AGBL1: variants seen among roughly 807,000 people sequenced by gnomAD.
AGBL1 encodes the protein AGBL carboxypeptidase 1, also known as cytosolic carboxypeptidase 4.
Under a neutral mutation model 118.9 loss-of-function variants are expected in AGBL1, and 130 were observed. The ratio of observed to expected loss-of-function variants is 1.09; its 90% CI spans 0.95 to 1.26. The LOEUF (loss-of-function observed/expected upper bound fraction) is 1.26, where lower values mean the gene tolerates loss of function less well. AGBL1 is among the 50% of genes most tolerant of loss of function. AGBL1 has a pLI of 0.00. For missense variants in AGBL1, 1,584 were observed against 1,298.1 expected, an observed-to-expected ratio of 1.22 and a Z score of -3.38; for synonymous variants, 555 against 478.9, an observed-to-expected ratio of 1.16 and a Z score of -2.08.
At chr15:87,022,343 C>T (rs2081674057) in intron 24 of AGBL1, among the ~76,000 whole-genome samples, 2 of 152,000 alleles carry the variant, frequency 1.3e-5, no homozygotes, top group Admixed American at 1.3e-4. Context: ...AAAAAGAATT[C>T]AGGATGTTAG....
chr15:86,174,965 C>CT lies in AGBL1; in HGVS notation c.488+15946dup, dbSNP rs1452435716. On this transcript the variant is annotated intron_variant, in intron 5 of 22. Coordinates refer to ENST00000614907, the MANE Select transcript of AGBL1 (RefSeq NM_001386094.1). Reference sequence around the variant, plus strand: ...ATTAGGGATATTGATCTATAGGTTTCTTTTTTTGTTGTATCCTTGTTTCGT... The same window carrying CT: ...ATTAGGGATATTGATCTATAGGTTTCTTTTTTTTGTTGTATCCTTGTTTCGT... Among the ~76,000 whole-genome samples the CT allele has an allele frequency of 3.3e-5, 5 of 152,010 alleles. No homozygotes were observed. In the East Asian group the frequency reaches 5.8e-4, roughly 18 times the overall value.
At chr15:86,494,172 TG>T (rs1209575797) in intron 18 of AGBL1, among the ~76,000 whole-genome samples, 2 of 152,112 alleles carry the variant, frequency 1.3e-5, no homozygotes, top group Non-Finnish European at 2.9e-5. Flanking sequence ...ATTGAGGTCC[TG>T]GCTATAAAGT....
At chr15:86,191,066 G>A (rs1413920411) in intron 5 of AGBL1, among the ~76,000 whole-genome samples, 5 of 152,180 alleles carry the variant, frequency 3.3e-5, no homozygotes, top group Admixed American at 1.3e-4. Context: ...AACACAGGCC[G>A]GGTGTGGTGG....
intron 1 of AGBL1, among the ~76,000 whole-genome samples, chr15:86,092,119 G>C (rs536015362): frequency 1.3e-5 from 2 of 152,058 alleles, no homozygotes; most frequent in South Asian, 2.1e-4. Flanking sequence ...AATATAACAT[G>C]GTTCTTGTCC....
At chr15:86,970,359 G>A (rs1200951168) in intron 23 of AGBL1, among the ~76,000 whole-genome samples, 1 of 151,910 alleles carries the variant, frequency 6.6e-6, no homozygotes, top group Admixed American at 6.6e-5. Context: ...GCTTATTGTT[G>A]TCATTTATGA....
At chr15:86,525,728 G>T (rs1158327440) in intron 19 of AGBL1, among the ~76,000 whole-genome samples, 2 of 152,110 alleles carry the variant, frequency 1.3e-5, no homozygotes, top group Admixed American at 1.3e-4. Context: ...ATGAATTAAA[G>T]ACTTAAATCT....
Position 86,179,998 on chromosome 15 carries a change from A to G in AGBL1, c.488+20972A>G, listed in dbSNP as rs558617086. Reference sequence around the variant, plus strand: ...TAGGGATAAATCTGCCAAAAGATGTAAAAGACCTGTACACTGCAAGCTACA... The same window carrying G: ...TAGGGATAAATCTGCCAAAAGATGTGAAAGACCTGTACACTGCAAGCTACA... On this transcript the variant is annotated intron_variant, in intron 5 of 22. Coordinates refer to ENST00000614907, the MANE Select transcript of AGBL1 (RefSeq NM_001386094.1). Among the ~76,000 whole-genome samples, 164 of 152,298 alleles carry G rather than the reference A, an allele frequency of 1.1e-3. 1 individual carries two copies. Among genetic ancestry groups the G allele is most frequent in the African/African-American group, 3.7e-3 (154 of 41,584 alleles).
At chr15:86,540,224 A>G (rs1268978617) in intron 19 of AGBL1, among the ~76,000 whole-genome samples, 1 of 152,206 alleles carries the variant, frequency 6.6e-6, no homozygotes, top group Non-Finnish European at 1.5e-5. Context: ...GCTGTGTTAT[A>G]TTAAAATTTT....
At chr15:86,353,866 T>A (rs190313234) in intron 17 of AGBL1, among the ~76,000 whole-genome samples, 271 of 152,256 alleles carry the variant, frequency 1.8e-3, no homozygotes, top group Middle Eastern at 6.8e-3. Context: ...AATCATTTAG[T>A]TATGTTGGAC....
chr15:86,487,858 C>G (rs567401420), intron 18 of AGBL1, among the ~76,000 whole-genome samples: 7 of 152,176 alleles, frequency 4.6e-5, no homozygotes, highest in Admixed American at 2.6e-4. Flanking sequence ...AAACCAGAAG[C>G]CTGCATAATG....
intron 22 of AGBL1, among the ~76,000 whole-genome samples, chr15:86,737,281 G>A (rs1484334893): frequency 6.6e-6 from 1 of 152,124 alleles, no homozygotes; most frequent in East Asian, 1.9e-4. Flanking sequence ...GGCCTGATCA[G>A]GTGAAAGGAT....
chr15:86,755,111 C>T (rs960656592), intron 22 of AGBL1, among the ~76,000 whole-genome samples: 5 of 151,910 alleles, frequency 3.3e-5, no homozygotes, highest in Non-Finnish European at 4.4e-5. Context: ...CACAATGTGA[C>T]GGACTTTCAT....
At chr15:86,198,784 G>A (rs1053305256) in intron 5 of AGBL1, among the ~76,000 whole-genome samples, 1 of 152,132 alleles carries the variant, frequency 6.6e-6, no homozygotes, top group Non-Finnish European at 1.5e-5. Flanking sequence ...AGCAGAAACT[G>A]ACCCTCCCAG....
rs148582855 is a variant in AGBL1 at position 86,435,170 on chromosome 15, A to C, written c.2555+37624A>C. ...ATATTTGTCATTAACCTACCAAGTA[A>C]ATCTCTACATAAGCACATATGAGTC... On this transcript the variant is annotated intron_variant, in intron 18 of 22. Transcript: ENST00000614907. 2.7e-3 allele frequency among the ~76,000 whole-genome samples: 407 copies of C among 151,934 alleles called. 2 individuals are homozygous for C. The highest frequency in any genetic ancestry group is 9.1e-3 in the African/African-American group (379 of 41,544).
intron 18 of AGBL1, among the ~76,000 whole-genome samples, chr15:86,407,160 T>C (rs1163198401): frequency 6.6e-6 from 1 of 152,220 alleles, no homozygotes; most frequent in Non-Finnish European, 1.5e-5. Context: ...TTTATTTTCA[T>C]TTTTTATATT....
intron 18 of AGBL1, among the ~76,000 whole-genome samples, chr15:86,486,095 C>T (rs2082709116): frequency 6.6e-6 from 1 of 152,040 alleles, no homozygotes; most frequent in Admixed American, 6.6e-5. Flanking sequence ...GTCTCCTCAT[C>T]ATTAATTTGG....
intron 1 of AGBL1, among the ~76,000 whole-genome samples, chr15:86,111,581 A>T (rs917074605): frequency 2.0e-5 from 3 of 152,144 alleles, no homozygotes; most frequent in African/African-American, 7.2e-5. Flanking sequence ...TATGAGTGGG[A>T]TAGAGGTATT....
At chr15:86,596,870 A>G (rs1217460669) in intron 21 of AGBL1, among the ~76,000 whole-genome samples, 1 of 151,924 alleles carries the variant, frequency 6.6e-6, no homozygotes, top group Non-Finnish European at 1.5e-5. Flanking sequence ...AAATTTATGT[A>G]CTATATTTAT....
At chr15:86,459,982 T>C (rs1287355817) in intron 18 of AGBL1, among the ~76,000 whole-genome samples, 1 of 152,068 alleles carries the variant, frequency 6.6e-6, no homozygotes, top group Non-Finnish European at 1.5e-5. Context: ...TTGAGCATAA[T>C]TGATGGCAAA....
Sources: gnomAD v4.1 joint callset for allele counts (sites outside exome capture counted in the v4.1 genomes callset) on GRCh38, gnomAD v4.1.1 for gene constraint, MANE v1.5 for transcripts, NCBI Gene and HGNC (gene_info 2026-07-23, HGNC 2026-07-21) for gene names.